The following CDH10 variants were observed in gnomAD, a reference collection of about 807,000 sequenced individuals.
The protein encoded by CDH10 is cadherin 10.
Under a neutral mutation model 73.1 loss-of-function variants are expected in CDH10, and 30 were observed. That is an observed-to-expected ratio of 0.41 (90% CI 0.31 to 0.56). The LOEUF is 0.56. Among genes scored for constraint, CDH10 ranks in the 20% least tolerant of loss-of-function variants. CDH10 has a pLI of 0.27. For missense variants in CDH10, 815 were observed against 973.7 expected (o/e 0.84, Z 2.17); for synonymous variants, 345 against 348.2 (o/e 0.99, Z 0.10).
intron 3 of CDH10, among the ~76,000 whole-genome samples, chr5:24,537,162 C>G (rs2111890126): frequency 6.6e-6 from 1 of 151,872 alleles, no homozygotes; most frequent in South Asian, 2.1e-4. Flanking sequence ...AGGAGAGTGT[C>G]TACCTATATG....
In CDH10 at chr5:24,626,845, T is replaced by C. The variant is rs921508702; in HGVS notation, c.-124+17749A>G. Reference sequence around the variant, plus strand: ...AAGTACATATATATAAGTGTATATATATATAAGTGTATATATATGTGTATA... The same window carrying C: ...AAGTACATATATATAAGTGTATATACATATAAGTGTATATATATGTGTATA... On this transcript the variant is annotated intron_variant, in intron 1 of 11. Transcript: ENST00000264463. Among the ~76,000 whole-genome samples the C allele has an allele frequency of 2.1e-5, 3 of 142,322 alleles. No individual in the cohort carries two copies. The Admixed American group carries it at 2.3e-4, about 11-fold the overall frequency. The allele number at this position is 142,322 out of a possible 152,430, so 93.4% of individuals were successfully genotyped here. A position where few individuals can be genotyped will look rare whatever the true frequency, so the allele number is the denominator to read the frequency against.
At chr5:24,541,748 A>T (rs1031996774) in intron 2 of CDH10, among the ~76,000 whole-genome samples, 1 of 152,134 alleles carries the variant, frequency 6.6e-6, no homozygotes, top group Admixed American at 6.6e-5. Context: ...ATTTTTAAAA[A>T]GAATTTTATG....
At chr5:24,554,105 G>GAGA (rs1484835980) in intron 2 of CDH10, 1 of 5,350 alleles carries the variant, frequency 1.9e-4, no homozygotes, top group African/African-American at 3.3e-4. Flanking sequence ...GAGAAGGGGA[G>GAGA]GTGGGCGGGG....
At chr5:24,626,994 T>C (rs896224237) in intron 1 of CDH10, among the ~76,000 whole-genome samples, 17 of 151,558 alleles carry the variant, frequency 1.1e-4, no homozygotes, top group Admixed American at 1.1e-3. Flanking sequence ...AAAACAATCC[T>C]CTAGATGCAG....
intron 2 of CDH10, among the ~76,000 whole-genome samples, chr5:24,574,363 C>T (rs564903737): frequency 6.6e-6 from 1 of 152,188 alleles, no homozygotes; most frequent in East Asian, 1.9e-4. Context: ...TGTGTAGTTG[C>T]ATTGTCTGGT....
chr5:24,522,774 T>C (rs1579756750), intron 5 of CDH10, among the ~76,000 whole-genome samples: 1 of 152,150 alleles, frequency 6.6e-6, no homozygotes, highest in African/African-American at 2.4e-5. Flanking sequence ...ACTTAGGAAA[T>C]AAAATGTCTG....
rs1201250735 is a variant in CDH10, at chr5:24,487,908, T to A, written c.2122A>T (p.Thr708Ser). 3.1e-6 allele frequency: 5 copies of A among 1,613,804 alleles called. No individual in the cohort carries two copies. In the African/African-American group the frequency reaches 6.7e-5, roughly 22 times the overall value. Residue 708 changes from threonine to serine, a missense_variant, in exon 12 of 12, where the codon ACG becomes TCG. Around this residue, in one of 3 missense-constraint regions of CDH10, gnomAD observed 241 missense variants for 240.3 expected, o/e 1.00. Transcript: ENST00000264463. Reference sequence around the variant, plus strand: ...TCATTAATGAAATCCCGGACGTCCGTGTTATCTGGAGCTGTAGGAGTCCTC... The same window carrying A: ...TCATTAATGAAATCCCGGACGTCCGAGTTATCTGGAGCTGTAGGAGTCCTC... Reference protein sequence around the residue: ...PRRTPTAPDNTDVRDFINERL... With the variant: ...PRRTPTAPDNSDVRDFINERL...
Position 24,623,131 on chromosome 5 carries a change from G to A in CDH10, c.-124+21463C>T, listed in dbSNP as rs544059716. On this transcript the variant is annotated intron_variant, in intron 1 of 11. Coordinates refer to ENST00000264463, the MANE Select transcript of CDH10 (RefSeq NM_006727.5). ...GTCATGCAGGAAGAAGATATGACTG[G>A]GAACTAGAGCTACTGGATCAGAGCA... Among the ~76,000 whole-genome samples the A allele has an allele frequency of 5.2e-3, 790 of 152,236 alleles. 4 individuals carry two copies. Among genetic ancestry groups the A allele is most frequent in the Non-Finnish European group, 9.3e-3 (630 of 68,030 alleles).
At chr5:24,547,691 G>A (rs926321496) in intron 2 of CDH10, among the ~76,000 whole-genome samples, 10 of 152,070 alleles carry the variant, frequency 6.6e-5, no homozygotes, top group African/African-American at 1.9e-4. Context: ...ATTCAATTTT[G>A]TTTTTTAAGT....
chr5:24,632,731 T>G (rs1747746324), intron 1 of CDH10, among the ~76,000 whole-genome samples: 1 of 151,980 alleles, frequency 6.6e-6, no homozygotes, highest in Admixed American at 6.6e-5. Flanking sequence ...TTTTATAAAT[T>G]TGTCTTTAGT....
intron 2 of CDH10, 29 bp downstream of exon 2, chr5:24,593,231 A>G (rs1746258976): frequency 8.1e-7 from 1 of 1,239,062 alleles, no homozygotes. Context: ...GAGCAAATAT[A>G]AACACGTGCC....
In CDH10 at chr5:24,498,499, G is replaced by T. The variant is rs201738748; in HGVS notation, c.1414C>A (p.Arg472Ser). The change falls in exon 9 of 12, where the codon CGC (arginine) becomes AGC (serine). Residue 472 changes from arginine (R) to serine (S), a missense_variant. This residue lies in a region of CDH10 where 516 missense variants were observed against 636.6 expected (regional missense o/e 0.81). Coordinates refer to ENST00000264463, the MANE Select transcript of CDH10 (RefSeq NM_006727.5). The stretch of plus-strand genomic sequence containing the variant: ...AAAATTCTCACAAAAACAGCCACGC[G>T]TGTTGTCTCTTTGGGATTGTCTGGA... Reference protein sequence around the residue: ...AEINNPKETTRVAVFVRILDV... With the variant: ...AEINNPKETTSVAVFVRILDV... 1.3e-6 allele frequency: 2 copies of T among 1,599,242 alleles called. No homozygotes were observed. Among genetic ancestry groups the T allele is most frequent in the South Asian group, 1.1e-5 (1 of 90,726 alleles).
intron 1 of CDH10, among the ~76,000 whole-genome samples, chr5:24,599,215 G>A (rs1265277745): frequency 6.6e-6 from 1 of 152,098 alleles, no homozygotes; most frequent in Non-Finnish European, 1.5e-5. Context: ...TGTGGAGAAT[G>A]GTAGCAAGAA....
At chr5:24,500,969 C>T (rs1348256717) in intron 8 of CDH10, among the ~76,000 whole-genome samples, 1 of 152,150 alleles carries the variant, frequency 6.6e-6, no homozygotes, top group Non-Finnish European at 1.5e-5. Context: ...TCCACTTCCT[C>T]TATGCCAGAC....
intron 2 of CDH10, chr5:24,578,624 A>G (rs1745682875): frequency 6.2e-6 from 1 of 161,590 alleles, no homozygotes; most frequent in Non-Finnish European, 1.4e-5. Flanking sequence ...AGGTTTACTA[A>G]AACTAAGGCT....
intron 2 of CDH10, among the ~76,000 whole-genome samples, chr5:24,539,850 G>C (rs1384911153): frequency 6.6e-6 from 1 of 152,032 alleles, no homozygotes; most frequent in East Asian, 1.9e-4. Flanking sequence ...CCAATTATAT[G>C]CATGTGCAAC....
intron 2 of CDH10, among the ~76,000 whole-genome samples, chr5:24,542,419 A>T (rs1449093510): frequency 6.6e-6 from 1 of 152,124 alleles, no homozygotes; most frequent in Non-Finnish European, 1.5e-5. Flanking sequence ...TATATTTTCT[A>T]TGTTTAGATA....
chr5:24,566,561 G>T (rs1179003106), intron 2 of CDH10, among the ~76,000 whole-genome samples: 5 of 152,084 alleles, frequency 3.3e-5, no homozygotes, highest in African/African-American at 1.2e-4. Flanking sequence ...AAAGTATATA[G>T]TCAGTCGACT....
rs1001227038 is a variant in CDH10, at chr5:24,586,843, C to CTTTTT, written c.231+6412_231+6416dup. Among the ~76,000 whole-genome samples, 138 of 102,748 alleles carry CTTTTT rather than the reference C, an allele frequency of 1.3e-3. 22 individuals carry two copies. The highest frequency in any genetic ancestry group is 4.4e-3 in the African/African-American group (105 of 23,776). The allele number at this position is 102,748 out of a possible 152,430, so 67.4% of individuals were successfully genotyped here. The stretch of plus-strand genomic sequence containing the variant: ...GTAAAACAATAAGATAGCCCATATT[C>CTTTTT]TTTTTTTTTTTTTTTTTTTGAGCCG... On this transcript the variant is annotated intron_variant, in intron 2 of 11. Coordinates refer to ENST00000264463, the MANE Select transcript of CDH10 (RefSeq NM_006727.5).
Sources: allele counts gnomAD v4.1 joint callset (sites outside exome capture counted in the v4.1 genomes callset), GRCh38; gene constraint gnomAD v4.1.1; regional missense constraint gnomAD v4.1.1; transcripts MANE v1.5; gene names NCBI Gene and HGNC (gene_info 2026-07-23, HGNC 2026-07-21).